ZNF208: variants seen among roughly 807,000 people sequenced by gnomAD.
ZNF208 encodes the protein zinc finger protein 208.
In ZNF208, 10 loss-of-function variants were observed where a neutral mutation model predicts 12.1. The ratio of observed to expected loss-of-function variants is 0.83; its 90% CI spans 0.51 to 1.40. The LOEUF (loss-of-function observed/expected upper bound fraction) is 1.40. ZNF208 is among the 40% of genes most tolerant of loss of function. The pLI, the probability that ZNF208 is intolerant of heterozygous loss-of-function variation, is 0.00. For synonymous variants in ZNF208, 497 were observed against 488.4 expected (o/e 1.02, Z -0.23); for missense variants, 1,652 against 1,485.0 (o/e 1.11, Z -1.85).
chr19:21,961,238 G>C (rs12971688), downstream of ZNF208, among the ~76,000 whole-genome samples: 1 of 151,918 alleles, frequency 6.6e-6, no homozygotes, highest in African/African-American at 2.4e-5. Context: ...ATCACATGTC[G>C]GTAGGACTGT....
intron 4 of ZNF208, among the ~76,000 whole-genome samples, chr19:21,960,046 A>G (rs1308557688): frequency 6.6e-6 from 1 of 152,168 alleles, no homozygotes; most frequent in African/African-American, 2.4e-5. Flanking sequence ...TAGATTAAAA[A>G]AGTAAAATTC....
At chr19:21,959,514 A>C (rs189592343) in intron 4 of ZNF208, among the ~76,000 whole-genome samples, 190 of 152,324 alleles carry the variant, frequency 1.2e-3, no homozygotes, top group African/African-American at 4.1e-3. Context: ...TACCTTTGTG[A>C]ATGTGAATAG....
In ZNF208 at chr19:21,966,287, G is replaced by GTT. The variant is rs1422421871; in HGVS notation, c.*4902_*4903dup. 5.3e-5 allele frequency: 8 copies of GTT among 152,038 alleles called. No individual in the cohort carries two copies. In the East Asian group the frequency reaches 1.5e-3, roughly 29 times the overall value. The allele number at this position is 152,038 out of a possible 1,614,324, so 9.4% of individuals were successfully genotyped here. On this transcript the variant is annotated 3_prime_UTR_variant, in exon 4 of 4. Transcript: ENST00000397126. ...CCTCCTTCTTTTTAGAATTCTCAGT[G>GTT]TTTATTGTTTTCATCTTTGTTTCCA...
intron 4 of ZNF208, among the ~76,000 whole-genome samples, chr19:21,955,891 C>T (rs1451446648): frequency 1.3e-5 from 2 of 152,202 alleles, no homozygotes; most frequent in East Asian, 3.8e-4. Flanking sequence ...GAACTGCATT[C>T]CTTTGGAGGA....
At chr19:22,000,143 C>T (rs574351375) in intron 1 of ZNF208, among the ~76,000 whole-genome samples, 67 of 152,184 alleles carry the variant, frequency 4.4e-4, no homozygotes, top group Non-Finnish European at 8.1e-4. Flanking sequence ...CACTAATGGA[C>T]AGATCATTGA....
chr19:22,001,889 TCCCAAAAAAAAAA>T (rs1970954910), intron 1 of ZNF208, among the ~76,000 whole-genome samples: 3 of 22,002 alleles, frequency 1.4e-4, no homozygotes, highest in South Asian at 1.2e-3. Flanking sequence ...TGAGACTCCA[TCCCAAAAAAAAAA>T]AAAAAAAAAA....
chr19:22,000,803 T>C (rs971724618), intron 1 of ZNF208, among the ~76,000 whole-genome samples: 6 of 151,756 alleles, frequency 4.0e-5, no homozygotes, highest in African/African-American at 7.3e-5. Flanking sequence ...GTAAATAAAC[T>C]ACTAGCTAGA....
At chr19:21,957,064 CAT>C (rs773042385) in intron 4 of ZNF208, among the ~76,000 whole-genome samples, 2 of 147,970 alleles carry the variant, frequency 1.4e-5, no homozygotes, top group Non-Finnish European at 3.0e-5. Context: ...TCTTTTGAGA[CAT>C]AGTCTCACTC....
downstream of ZNF208, among the ~76,000 whole-genome samples, chr19:21,961,931 T>C (rs1340375441): frequency 6.6e-6 from 1 of 152,154 alleles, no homozygotes; most frequent in African/African-American, 2.4e-5. Flanking sequence ...ACAATCAATT[T>C]GTACAATACT....
rs1425066776 is a variant in ZNF208 at position 21,972,261 on chromosome 19, C to T, written c.2773G>A (p.Ala925Thr). ...CTAAAGACTGACAACCAGCTGAAGG[C>T]TTTGCCACATTCTTCACATTTGTAG... is the stretch of plus-strand genomic sequence containing the variant. Reference protein sequence around the residue: ...KPYKCEECGKAFSWLSVFSKH... With the variant: ...KPYKCEECGKTFSWLSVFSKH... The change falls in exon 4 of 4, where the codon GCC (alanine) becomes ACC (threonine). Residue 925 changes from alanine (A) to threonine (T), a missense_variant. Physicochemically the swap from Ala to Thr is moderately conservative, Grantham distance 58 (BLOSUM62 0). This residue lies in a region of ZNF208 where 1,239 missense variants were observed against 1,086.2 expected (regional missense o/e 1.14). Transcript: ENST00000397126. The T allele has an allele frequency of 1.9e-6, 3 of 1,613,682 alleles. No homozygotes were observed. The highest frequency in any genetic ancestry group is 3.3e-4 in the Middle Eastern group (2 of 6,060).
At chr19:22,004,590 C>A (rs1164457425) in intron 1 of ZNF208, among the ~76,000 whole-genome samples, 10 of 151,708 alleles carry the variant, frequency 6.6e-5, no homozygotes, top group African/African-American at 2.2e-4. Context: ...ACAACAACAA[C>A]AAAAAAAACA....
At position 21,971,461 on chromosome 19, in the gene ZNF208, A is replaced by G. The variant is rs749794551; in HGVS notation, c.3573T>C (p.His1191=). 4 of 1,611,210 alleles carry G rather than the reference A, an allele frequency of 2.5e-6. No homozygotes were observed. In the South Asian group the frequency reaches 4.4e-5, roughly 18 times the overall value. The part of the protein sequence containing the change: ...FSILAKHKVI[H]TGEKLYKCEE... ...CACATTTGTAGAGTTTCTCTCCAGT[A>G]TGAATTACCTTATGTTTTGCAAGGA... Residue 1191 remains histidine (H), a synonymous_variant, in exon 4 of 4, where the codon CAT becomes CAC. Coordinates refer to ENST00000397126, the MANE Select transcript of ZNF208 (RefSeq NM_007153.3).
chr19:21,970,052 A>T lies in ZNF208; in HGVS notation c.*1139T>A, dbSNP rs1327286329. 1.3e-5 allele frequency among the ~76,000 whole-genome samples: 2 copies of T among 152,158 alleles called. No homozygotes were observed. Among genetic ancestry groups the T allele is most frequent in the Non-Finnish European group, 1.5e-5 (1 of 68,026 alleles). ...TCCAGTATGAGTTATCTTACCTACA[A>T]TCAAGTGTGACAGCCACTTAAAGGC... On this transcript the variant is annotated 3_prime_UTR_variant, in exon 4 of 4. Coordinates refer to ENST00000397126, the MANE Select transcript of ZNF208 (RefSeq NM_007153.3).
In ZNF208 at chr19:21,971,876, C is replaced by G. The variant is rs1970294227; in HGVS notation, c.3158G>C (p.Gly1053Ala). ...SLTEHKATHA[G>A]EKPYKCEECG... is the part of the protein sequence containing the mutation. ...TTCTTCACATTTGTAGGGTTTTTCT[C>G]CAGCATGAGTTGCCTTATGTTCAGT... is the stretch of plus-strand genomic sequence containing the variant. Residue 1053 changes from glycine to alanine, a missense_variant, in exon 4 of 4, where the codon GGA becomes GCA. Around this residue, in one of 3 missense-constraint regions of ZNF208, gnomAD observed 1,239 missense variants for 1,086.2 expected, o/e 1.14. Coordinates refer to ENST00000397126, the MANE Select transcript of ZNF208 (RefSeq NM_007153.3). The G allele has an allele frequency of 6.2e-7, 1 of 1,613,150 alleles. No individual in the cohort carries two copies. The highest frequency in any genetic ancestry group is 1.3e-5 in the African/African-American group (1 of 74,754).
At chr19:21,988,940 C>T (rs371620048) in intron 1 of ZNF208, 31 bp from the exon 2 acceptor site, 515 of 1,609,020 alleles carry the variant, frequency 3.2e-4, no homozygotes, top group Admixed American at 9.7e-4. Context: ...TATTTATCAA[C>T]TGGACATGGG....
At position 21,971,150 on chromosome 19, in the gene ZNF208, G is replaced by T; in HGVS notation, c.*41C>A. ...ATGAATTTTCTTATGATAACTAAGG[G>T]TTGAGGGCCACTTATAGGCTTTGCC... On this transcript the variant is annotated 3_prime_UTR_variant, in exon 4 of 4. Coordinates refer to ENST00000397126, the MANE Select transcript of ZNF208 (RefSeq NM_007153.3). 3.7e-6 allele frequency: 6 copies of T among 1,611,888 alleles called. No homozygotes were observed. The highest frequency in any genetic ancestry group is 5.1e-6 in the Non-Finnish European group (6 of 1,179,384).
chr19:21,951,623 T>C (rs1969889493), intron 4 of ZNF208, among the ~76,000 whole-genome samples: 1 of 152,240 alleles, frequency 6.6e-6, no homozygotes, highest in Non-Finnish European at 1.5e-5. Context: ...GATGCTCATC[T>C]GTACATATCA....
rs1420692116 is a variant in ZNF208 at position 22,010,399 on chromosome 19, T to A, written c.3+393A>T. ...ATATTTTTGAGGTGACTTCCATAAATTTTTAATAGGAGAAAACAGGAACTG... is the reference window on the plus strand; with the variant it reads ...ATATTTTTGAGGTGACTTCCATAAAATTTTAATAGGAGAAAACAGGAACTG... On this transcript the variant is annotated intron_variant, in intron 1 of 3. Transcript: ENST00000397126. Among the ~76,000 whole-genome samples, 3 of 152,204 alleles carry A rather than the reference T, an allele frequency of 2.0e-5. 1 individual carries two copies. The highest frequency in any genetic ancestry group is 7.2e-5 in the African/African-American group (3 of 41,444).
Position 21,969,056 on chromosome 19 carries a change from C to T in ZNF208, c.*2135G>A, listed in dbSNP as rs1415877781. On this transcript the variant is annotated 3_prime_UTR_variant, in exon 4 of 4. Coordinates refer to ENST00000397126, the MANE Select transcript of ZNF208 (RefSeq NM_007153.3). ...AAAATTAGCTGGGAGTGGCGGCGGG[C>T]GCCTGTAGTCCCAGCTAATTGGGAG... is the stretch of plus-strand genomic sequence containing the variant. Among the ~76,000 whole-genome samples the T allele has an allele frequency of 4.6e-5, 7 of 151,942 alleles. No individual in the cohort carries two copies. The highest frequency in any genetic ancestry group is 7.4e-5 in the Non-Finnish European group (5 of 67,970).
Sources: gnomAD v4.1 joint callset for allele counts (sites outside exome capture counted in the v4.1 genomes callset) on GRCh38, gnomAD v4.1.1 for gene constraint, gnomAD v4.1.1 regional missense constraint, MANE v1.5 for transcripts, NCBI Gene and HGNC (gene_info 2026-07-23, HGNC 2026-07-21) for gene names.